The following GLS2 variants were observed in gnomAD, a reference collection of about 807,000 sequenced individuals.
The protein encoded by GLS2 is glutaminase liver isoform, mitochondrial.
Under a neutral mutation model 79.0 loss-of-function variants are expected in GLS2, and 52 were observed. The ratio of observed to expected loss-of-function variants is 0.66; its 90% CI spans 0.53 to 0.83. GLS2 has a LOEUF of 0.83. Among genes scored for constraint, GLS2 ranks in the 40% least tolerant of loss-of-function variants. The pLI, the probability that GLS2 is intolerant of heterozygous loss-of-function variation, is 0.00. For missense variants in GLS2, 561 were observed against 764.8 expected (o/e 0.73, Z 3.14); for synonymous variants, 238 against 280.8 (o/e 0.85, Z 1.52).
At chr12:56,476,053 G>A in intron 7 of GLS2, 76 bp from the exon 8 acceptor site, 1 of 1,410,500 alleles carries the variant, frequency 7.1e-7, no homozygotes, top group Non-Finnish European at 9.9e-7. Context: ...GGATCTAGTG[G>A]AGTTCTAGTG....
intron 3 of GLS2, 39 bp downstream of exon 3, chr12:56,479,741 G>A: frequency 6.4e-7 from 1 of 1,569,088 alleles, no homozygotes; most frequent in Non-Finnish European, 8.7e-7. Flanking sequence ...CCACAGGACA[G>A]TTTTCAGAGA....
In GLS2 at chr12:56,475,978, CTG is replaced by C; in HGVS notation, c.838-3_838-2del. On this transcript the variant is annotated splice_acceptor_variant and splice_polypyrimidine_tract_variant and intron_variant, in intron 7 of 17. Coordinates refer to ENST00000311966, the MANE Select transcript of GLS2 (RefSeq NM_013267.4). LOFTEE classifies it high-confidence loss of function. ...ACTTCTCTGCTTTGTTACAGTCCAT[CTG>C]CAGAGAAAGAGAGAGATGTCAGCAT... The C allele has an allele frequency of 6.2e-7, 1 of 1,613,072 alleles. No individual in the cohort carries two copies. Among genetic ancestry groups the C allele is most frequent in the South Asian group, 1.1e-5 (1 of 91,082 alleles).
intron 13 of GLS2, 56 bp from the exon 14 acceptor site, chr12:56,473,376 C>G (rs1218511233): frequency 2.8e-5 from 45 of 1,604,746 alleles, no homozygotes; most frequent in Non-Finnish European, 3.8e-5. Context: ...AGTAGGAGCT[C>G]AAAATTGCTT....
chr12:56,480,441 C>T (rs1352649013), intron 1 of GLS2, 54 bp from the exon 2 acceptor site: 3 of 1,342,334 alleles, frequency 2.2e-6, no homozygotes, highest in East Asian at 2.3e-5. Context: ...CTGCTACCTG[C>T]TCCTCCTTCT....
At chr12:56,478,650 T>C in intron 4 of GLS2, 1 of 261,772 alleles carries the variant, frequency 3.8e-6, no homozygotes, top group Admixed American at 5.0e-5. Flanking sequence ...ACAGAAGTTC[T>C]GCTTCTCATC....
Position 56,487,083 on chromosome 12 carries a change from G to T in GLS2, c.182+854C>A, listed in dbSNP as rs138908744. Among the ~76,000 whole-genome samples, 173 of 152,272 alleles carry T rather than the reference G, an allele frequency of 1.1e-3. 1 individual carries two copies. The highest frequency in any genetic ancestry group is 4.1e-3 in the African/African-American group (169 of 41,552). ...CGACGAGGGAGATGGCCCATTTCCT[G>T]TTCCTGCTACAGTAGAGCAGGGGCT... On this transcript the variant is annotated intron_variant, in intron 1 of 17. Transcript: ENST00000311966.
chr12:56,487,428 G>C (rs776559970), intron 1 of GLS2: 1 of 158,492 alleles, frequency 6.3e-6, no homozygotes, highest in African/African-American at 2.4e-5. Context: ...AGGGAGCACT[G>C]CTACGCACAC....
intron 5 of GLS2, 30 bp from the exon 6 acceptor site, chr12:56,478,126 T>C (rs997264847): frequency 1.9e-6 from 3 of 1,614,014 alleles, no homozygotes; most frequent in Non-Finnish European, 2.5e-6. Context: ...ATGAAAGGGG[T>C]TGGCCTGTGT....
Position 56,471,198 on chromosome 12 carries a change from G to A in GLS2, c.*289C>T. ...TCAGGGAGAGGAAGAGGAGACCTGG[G>A]TGAAGAGCTGGGATGGTTTTGAGTG... On this transcript the variant is annotated 3_prime_UTR_variant, in exon 18 of 18. Coordinates refer to ENST00000311966, the MANE Select transcript of GLS2 (RefSeq NM_013267.4). The A allele has an allele frequency of 4.6e-6, 2 of 435,448 alleles. No homozygotes were observed. Among genetic ancestry groups the A allele is most frequent in the East Asian group, 6.7e-5 (2 of 30,018 alleles). The allele number at this position is 435,448 out of a possible 1,614,324, so 27.0% of individuals were successfully genotyped here.
Position 56,479,769 on chromosome 12 carries a change from G to C in GLS2, c.404+11C>G, listed in dbSNP as rs1377995083. ...TTCAGAGAGCAGTGCCCTTGTTTCT[G>C]GGGCCCTCACTTTCGGAAGAGATCT... is the stretch of plus-strand genomic sequence containing the variant. On this transcript the variant is annotated intron_variant, in intron 3 of 17. Transcript: ENST00000311966. The C allele has an allele frequency of 1.9e-6, 3 of 1,590,504 alleles. No homozygotes were observed. The highest frequency in any genetic ancestry group is 1.7e-5 in the Admixed American group (1 of 58,300).
At chr12:56,472,233 C>G in intron 15 of GLS2, 38 bp from the exon 16 acceptor site, 1 of 1,583,412 alleles carries the variant, frequency 6.3e-7, no homozygotes, top group South Asian at 1.1e-5. Context: ...TTGCCTAGAT[C>G]AGACTGGAAT....
intron 9 of GLS2, chr12:56,475,412 C>T (rs1869714774): frequency 8.5e-6 from 6 of 702,922 alleles, no homozygotes; most frequent in Non-Finnish European, 1.4e-5. Flanking sequence ...CATCACACTG[C>T]CTCTCTCATT....
Position 56,471,191 on chromosome 12 carries a change from G to T in GLS2, c.*296C>A. The T allele has an allele frequency of 9.2e-6, 4 of 434,898 alleles. No homozygotes were observed. The highest frequency in any genetic ancestry group is 1.6e-5 in the Non-Finnish European group (4 of 248,452). 26.9% of individuals were successfully genotyped at this position (434,898 alleles called of 1,614,324 possible). The stretch of plus-strand genomic sequence containing the variant: ...GGTTTCTTCAGGGAGAGGAAGAGGA[G>T]ACCTGGGTGAAGAGCTGGGATGGTT... On this transcript the variant is annotated 3_prime_UTR_variant, in exon 18 of 18. Coordinates refer to ENST00000311966, the MANE Select transcript of GLS2 (RefSeq NM_013267.4).
Position 56,475,691 on chromosome 12 carries a change from G to C in GLS2, c.871-9C>G. ...TTGAGATACTGCAACACCTGGAAGAGAAAAAGGGACATTGAGGCTCCACTT... is the reference window on the plus strand; with the variant it reads ...TTGAGATACTGCAACACCTGGAAGACAAAAAGGGACATTGAGGCTCCACTT... On this transcript the variant is annotated splice_polypyrimidine_tract_variant and intron_variant, in intron 8 of 17. Coordinates refer to ENST00000311966, the MANE Select transcript of GLS2 (RefSeq NM_013267.4). 6.2e-7 allele frequency: 1 copy of C among 1,613,922 alleles called. No individual in the cohort carries two copies. The highest frequency in any genetic ancestry group is 8.5e-7 in the Non-Finnish European group (1 of 1,179,924).
intron 12 of GLS2, 193 bp downstream of exon 12, chr12:56,474,351 A>T: frequency 3.0e-6 from 2 of 670,218 alleles, no homozygotes; most frequent in Non-Finnish European, 5.0e-6. Context: ...GGCCTCCCAA[A>T]GACATCTCTT....
Position 56,472,734 on chromosome 12 carries a change from G to A in GLS2, c.1467C>T (p.Asn489=), listed in dbSNP as rs139745938. The change falls in exon 15 of 18, where the codon AAC becomes AAT. Residue 489 remains asparagine, a synonymous_variant. Coordinates refer to ENST00000311966, the MANE Select transcript of GLS2 (RefSeq NM_013267.4). The part of the protein sequence containing the change: ...GAEIRNKTVV[N]LLFAAYSGDV... ...CGCCACTATAGGCAGCAAATAACAGGTTGACCACAGTCTTGTTCTGGAACA... is the reference window on the plus strand; with the variant it reads ...CGCCACTATAGGCAGCAAATAACAGATTGACCACAGTCTTGTTCTGGAACA... 61 of 1,613,780 alleles carry A rather than the reference G, an allele frequency of 3.8e-5. No homozygotes were observed. In the African/African-American group the frequency reaches 7.7e-4, roughly 20 times the overall value.
intron 15 of GLS2, 42 bp downstream of exon 15, chr12:56,472,648 C>A: frequency 6.4e-7 from 1 of 1,564,874 alleles, no homozygotes; most frequent in East Asian, 2.2e-5. Context: ...AATCTCTGAC[C>A]AGGAGTATTT....
At chr12:56,477,633 C>T (rs747171977) in intron 7 of GLS2, 27 bp downstream of exon 7, 3 of 1,604,786 alleles carry the variant, frequency 1.9e-6, no homozygotes, top group African/African-American at 2.7e-5. Context: ...AGGATAATAC[C>T]TATCAGAAGG....
intron 7 of GLS2, chr12:56,476,482 G>C (rs1207121436): frequency 6.1e-6 from 1 of 164,310 alleles, no homozygotes; most frequent in Non-Finnish European, 1.3e-5. Context: ...TGGCCAGCAT[G>C]ATGGTTCATG....
Sources: gnomAD v4.1 joint callset for allele counts (sites outside exome capture counted in the v4.1 genomes callset) on GRCh38, gnomAD v4.1.1 for gene constraint, MANE v1.5 for transcripts, NCBI Gene and HGNC (gene_info 2026-07-23, HGNC 2026-07-21) for gene names.